Variants in ZNF544 observed in about 807,000 individuals in gnomAD.
The protein encoded by ZNF544 is zinc finger protein 544.
Under a neutral mutation model 13.5 loss-of-function variants are expected in ZNF544, and 10 were observed. That is an observed-to-expected ratio of 0.74 (90% CI 0.46 to 1.25). The LOEUF (loss-of-function observed/expected upper bound fraction) is 1.25, where lower values mean the gene tolerates loss of function less well. ZNF544 is among the 50% of genes most tolerant of loss of function. The pLI, the probability that ZNF544 is intolerant of heterozygous loss-of-function variation, is 0.00. For missense variants in ZNF544, 896 were observed against 845.6 expected, an observed-to-expected ratio of 1.06 and a Z score of -0.74; for synonymous variants, 323 against 300.5, an observed-to-expected ratio of 1.07 and a Z score of -0.77.
chr19:58,248,322 T>C (rs1270312805), intron 6 of ZNF544, among the ~76,000 whole-genome samples: 1 of 148,858 alleles, frequency 6.7e-6, no homozygotes, highest in Admixed American at 6.8e-5. Context: ...AGCTTAAGCC[T>C]TCTGGGCTTA....
At chr19:58,240,810 C>T (rs1472298923) in intron 3 of ZNF544, among the ~76,000 whole-genome samples, 2 of 151,600 alleles carry the variant, frequency 1.3e-5, no homozygotes, top group Admixed American at 6.6e-5. Flanking sequence ...CTTACTAAAC[C>T]AGCCCTGCAC....
intron 3 of ZNF544, among the ~76,000 whole-genome samples, chr19:58,232,747 G>C (rs1267082677): frequency 6.8e-6 from 1 of 147,208 alleles, no homozygotes; most frequent in Non-Finnish European, 1.5e-5. Flanking sequence ...GGCTAACATG[G>C]GGAAACCCCG....
chr19:58,249,367 G>A (rs997180994), intron 6 of ZNF544, among the ~76,000 whole-genome samples: 2 of 152,192 alleles, frequency 1.3e-5, no homozygotes, highest in Non-Finnish European at 2.9e-5. Flanking sequence ...AGTGGAGACA[G>A]GATAGCTTCT....
intron 6 of ZNF544, among the ~76,000 whole-genome samples, chr19:58,253,738 C>G (rs887912474): frequency 6.6e-6 from 1 of 152,186 alleles, no homozygotes. Context: ...CCATGCCCGG[C>G]CAAACTAGTC....
chr19:58,236,744 CTTT>C (rs112780440), intron 3 of ZNF544, among the ~76,000 whole-genome samples: 1 of 139,860 alleles, frequency 7.2e-6, no homozygotes, highest in African/African-American at 2.6e-5. Context: ...TTCTGTGAAA[CTTT>C]TTTTTTTTTT....
chr19:58,271,500 G>A (rs776907469), intron 5 of ZNF544, among the ~76,000 whole-genome samples: 5 of 152,096 alleles, frequency 3.3e-5, no homozygotes, highest in Non-Finnish European at 5.9e-5. Context: ...TACTCAGGAA[G>A]CTGAGTTGGG....
chr19:58,265,397 G>A (rs1025585405), downstream of ZNF544, among the ~76,000 whole-genome samples: 12 of 150,944 alleles, frequency 7.9e-5, no homozygotes, highest in African/African-American at 2.4e-4. Flanking sequence ...CTGGGTTCAC[G>A]CCACTCTCCT....
intron 5 of ZNF544, among the ~76,000 whole-genome samples, chr19:58,269,643 T>G (rs1600427131): frequency 7.2e-6 from 1 of 138,140 alleles, no homozygotes; most frequent in Non-Finnish European, 1.6e-5. Flanking sequence ...ATGGCAGGGC[T>G]GGCATGGTGG....
chr19:58,264,463 G>A (rs1481342753), downstream of ZNF544, among the ~76,000 whole-genome samples: 1 of 151,706 alleles, frequency 6.6e-6, no homozygotes, highest in Non-Finnish European at 1.5e-5. Flanking sequence ...AGGCTGAGGT[G>A]GGTGGATCAC....
chr19:58,269,621 A>G (rs1030891692), intron 5 of ZNF544, among the ~76,000 whole-genome samples: 2 of 150,128 alleles, frequency 1.3e-5, no homozygotes, highest in Non-Finnish European at 1.5e-5. Context: ...AAAAAAAAAA[A>G]AAAAAAAAAA....
chr19:58,270,343 C>T (rs1373783674), intron 5 of ZNF544, among the ~76,000 whole-genome samples: 1 of 149,686 alleles, frequency 6.7e-6, no homozygotes, highest in Non-Finnish European at 1.5e-5. Flanking sequence ...TCTCTGTTGC[C>T]CAGTCTGGAG....
In ZNF544 at chr19:58,261,309, G is replaced by A; in HGVS notation, c.703G>A (p.Glu235Lys). The A allele has an allele frequency of 6.2e-7, 1 of 1,614,138 alleles. No homozygotes were observed. The highest frequency in any genetic ancestry group is 8.5e-7 in the Non-Finnish European group (1 of 1,180,032). ...SIYLSKLGNV[E>K]TGKKNPYEYI... ...TTACTTGAGTAAACTTGGAAACGTTGAAACAGGAAAGAAAAACCCTTATGA... is the reference window on the plus strand; with the variant it reads ...TTACTTGAGTAAACTTGGAAACGTTAAAACAGGAAAGAAAAACCCTTATGA... Residue 235 changes from glutamate (E) to lysine (K), a missense_variant, in exon 7 of 7, where the codon GAA becomes AAA. Coordinates refer to ENST00000687789, the MANE Select transcript of ZNF544 (RefSeq NM_014480.4).
At chr19:58,272,427 C>G (rs1009959315) in intron 5 of ZNF544, among the ~76,000 whole-genome samples, 1 of 151,904 alleles carries the variant, frequency 6.6e-6, no homozygotes, top group African/African-American at 2.4e-5. Flanking sequence ...TGTGGTGGCA[C>G]GCGCCTGTTG....
intron 6 of ZNF544, chr19:58,257,396 T>C (rs2047723815): frequency 6.6e-6 from 1 of 152,216 alleles, no homozygotes; most frequent in Non-Finnish European, 1.5e-5. Flanking sequence ...TCTAGATGTT[T>C]CCCATTGGTC....
intron 5 of ZNF544, among the ~76,000 whole-genome samples, chr19:58,275,770 TGA>T (rs1444060456): frequency 1.9e-5 from 2 of 103,754 alleles, no homozygotes; most frequent in Non-Finnish European, 3.7e-5. Context: ...GGGCAACAGG[TGA>T]GACCCTGTCT....
At chr19:58,273,369 T>A (rs911808753) in intron 5 of ZNF544, among the ~76,000 whole-genome samples, 4 of 151,890 alleles carry the variant, frequency 2.6e-5, no homozygotes, top group Admixed American at 2.6e-4. Flanking sequence ...TATCAAATGA[T>A]CAACATGAAT....
Position 58,262,974 on chromosome 19 carries a change from C to T in ZNF544, c.*220C>T. 1 of 1,364,558 alleles carries T rather than the reference C, an allele frequency of 7.3e-7. No homozygotes were observed. Among genetic ancestry groups the T allele is most frequent in the Non-Finnish European group, 9.4e-7 (1 of 1,060,022 alleles). The allele number at this position is 1,364,558 out of a possible 1,614,324, so 84.5% of individuals were successfully genotyped here. On this transcript the variant is annotated 3_prime_UTR_variant, in exon 7 of 7. Transcript: ENST00000687789. The stretch of plus-strand genomic sequence containing the variant: ...TCAACCCTTAGTAAACACGAGAGGA[C>T]ACACACTGGAGGCAAACCCTATGAA...
chr19:58,252,269 A>G (rs775586802), intron 6 of ZNF544, among the ~76,000 whole-genome samples: 12 of 152,204 alleles, frequency 7.9e-5, no homozygotes, highest in South Asian at 2.1e-4. Context: ...GCCTTTTACC[A>G]AAAGTACATT....
Position 58,261,283 on chromosome 19 carries a change from T to C in ZNF544, c.677T>C (p.Ile226Thr), listed in dbSNP as rs531011669. The change falls in exon 7 of 7, where the codon ATT becomes ACT. Residue 226 changes from isoleucine (I) to threonine (T), a missense_variant. Transcript: ENST00000687789. Reference protein sequence around the residue: ...HQCARAFCQSIYLSKLGNVET... With the variant: ...HQCARAFCQSTYLSKLGNVET... ...TGTGCTAGAGCTTTCTGTCAGAGTA[T>C]TTACTTGAGTAAACTTGGAAACGTT... 1.3e-5 allele frequency: 21 copies of C among 1,614,054 alleles called. No individual in the cohort carries two copies. The highest frequency in any genetic ancestry group is 2.7e-5 in the African/African-American group (2 of 74,928).
Sources: allele counts gnomAD v4.1 joint callset (sites outside exome capture counted in the v4.1 genomes callset), GRCh38; gene constraint gnomAD v4.1.1; transcripts MANE v1.5; gene names NCBI Gene and HGNC (gene_info 2026-07-23, HGNC 2026-07-21).